TKTL1: variants seen among roughly 807,000 people sequenced by gnomAD.
The protein encoded by TKTL1 is transketolase like 1, also known as transketolase-like protein 1.
Under a neutral mutation model 39.3 loss-of-function variants are expected in TKTL1, and 1 was observed. The observed-to-expected ratio is 0.03, with a 90% CI of 0.01 to 0.12. The LOEUF (loss-of-function observed/expected upper bound fraction) is 0.12, where lower values mean the gene tolerates loss of function less well. Ranked by LOEUF, TKTL1 falls within the 10% of genes least tolerant of loss-of-function variation. The pLI is 1.00. For synonymous variants in TKTL1, 262 were observed against 193.8 expected, an observed-to-expected ratio of 1.35 and a Z score of -2.92; for missense variants, 575 against 509.6, an observed-to-expected ratio of 1.13 and a Z score of -1.24.
rs782724766 is a variant in TKTL1, at chrX:154,315,201, C to G, written c.893C>G (p.Ala298Gly). ...KIATRKACGLALAKLGYANNR... is the reference protein window; with the variant it reads ...KIATRKACGLGLAKLGYANNR... The stretch of plus-strand genomic sequence containing the variant: ...GCTACTCGGAAAGCATGCGGTCTGG[C>G]TCTGGCTAAGCTGGGCTACGCGAAC... Residue 298 changes from alanine to glycine, a missense_variant, in exon 7 of 13, where the codon GCT (alanine) becomes GGT (glycine). Coordinates refer to ENST00000369915, the MANE Select transcript of TKTL1 (RefSeq NM_012253.4). The G allele has an allele frequency of 1.7e-6, 2 of 1,209,764 alleles. No homozygotes were observed. The highest frequency in any genetic ancestry group is 3.5e-5 in the African/African-American group (2 of 57,191).
chrX:154,300,900 G>A (rs782532670), intron 1 of TKTL1, among the ~76,000 whole-genome samples: 2 of 109,532 alleles, frequency 1.8e-5, no homozygotes, highest in South Asian at 8.0e-4. Context: ...ACCAGACCAT[G>A]GCCAGGCTGG....
At chrX:154,309,224 G>A in intron 2 of TKTL1, 121 bp from the exon 3 acceptor site, 1 of 570,230 alleles carries the variant, frequency 1.8e-6, no homozygotes, top group East Asian at 3.3e-5. Context: ...AGGGCGGGAG[G>A]GGCTGTTCGG....
At chrX:154,315,106 CT>C in intron 6 of TKTL1, 66 bp from the exon 7 acceptor site, 2 of 1,065,861 alleles carry the variant, frequency 1.9e-6, no homozygotes, top group African/African-American at 1.8e-5. Context: ...TGGTACCTTC[CT>C]TCTGTAGTCG....
chrX:154,305,583 A>C (rs966743238), intron 2 of TKTL1, among the ~76,000 whole-genome samples, 162 bp downstream of exon 2: 9 of 111,364 alleles, frequency 8.1e-5, no homozygotes, highest in Admixed American at 7.6e-4. Context: ...GGCCACTTGG[A>C]GCCCTGTGAT....
chrX:154,318,041 G>A (rs1000108049), intron 7 of TKTL1, among the ~76,000 whole-genome samples: 13 of 111,780 alleles, frequency 1.2e-4, no homozygotes, highest in Non-Finnish European at 1.9e-4. Context: ...CATATTCGTT[G>A]GCCTAGTTTT....
intron 12 of TKTL1, among the ~76,000 whole-genome samples, chrX:154,328,546 A>G (rs1299414220): frequency 8.7e-4 from 10 of 11,461 alleles, no homozygotes; most frequent in African/African-American, 1.6e-3. Context: ...ACTCTGCCTC[A>G]AAAAAAAAAA....
intron 1 of TKTL1, among the ~76,000 whole-genome samples, chrX:154,303,379 ATTTTTTTTTTTTTT>A (rs1172255094): frequency 6.5e-4 from 22 of 33,668 alleles, no homozygotes; most frequent in African/African-American, 2.0e-3. Context: ...TGCCCAGCTA[ATTTTTTTTTTTTTT>A]TTTTTTTTTT....
chrX:154,310,255 G>C (rs1290268661), intron 3 of TKTL1, among the ~76,000 whole-genome samples: 1 of 109,725 alleles, frequency 9.1e-6, no homozygotes, highest in Non-Finnish European at 1.9e-5. Context: ...TCAGGAGTTC[G>C]AGACCAGCCT....
intron 8 of TKTL1, 106 bp downstream of exon 8, chrX:154,321,019 G>A (rs1296296536): frequency 1.1e-5 from 10 of 943,237 alleles, no homozygotes; most frequent in Non-Finnish European, 1.5e-5. Flanking sequence ...CATGAAGTTT[G>A]ATTATTCAAG....
chrX:154,328,110 A>G, intron 12 of TKTL1, 152 bp downstream of exon 12: 2 of 757,666 alleles, frequency 2.6e-6, no homozygotes, highest in Non-Finnish European at 3.9e-6. Context: ...GGCCATACTC[A>G]TACACATCTG....
At chrX:154,309,547 G>A in intron 3 of TKTL1, 105 bp downstream of exon 3, 1 of 690,927 alleles carries the variant, frequency 1.4e-6, no homozygotes, top group South Asian at 2.4e-5. Flanking sequence ...AGCCCTGAAG[G>A]GCCAGTCCCC....
intron 5 of TKTL1, among the ~76,000 whole-genome samples, chrX:154,311,517 T>G (rs904230881): frequency 9.0e-6 from 1 of 111,427 alleles, no homozygotes; most frequent in African/African-American, 3.3e-5. Context: ...CAGGGAACAA[T>G]CTCTACGGTT....
chrX:154,301,559 TAGTA>T (rs1367789772), intron 1 of TKTL1, among the ~76,000 whole-genome samples: 1 of 112,247 alleles, frequency 8.9e-6, no homozygotes, highest in African/African-American at 3.2e-5. Flanking sequence ...CTGGGCTAGA[TAGTA>T]AGAGGACAGT....
intron 7 of TKTL1, among the ~76,000 whole-genome samples, chrX:154,319,817 T>C (rs1416751595): frequency 9.0e-6 from 1 of 110,851 alleles, no homozygotes; most frequent in African/African-American, 3.3e-5. Flanking sequence ...ATCTGGAGTT[T>C]GGGATCTTGA....
chrX:154,327,267 A>G, intron 10 of TKTL1: 1 of 424,485 alleles, frequency 2.4e-6, no homozygotes. Context: ...AGATCTTAGC[A>G]CTCAGCGTGT....
At chrX:154,320,346 A>G (rs1294691378) in intron 7 of TKTL1, 3 of 155,340 alleles carry the variant, frequency 1.9e-5, no homozygotes, top group Middle Eastern at 2.7e-3. Flanking sequence ...CTGTGAAGAT[A>G]AAAGGTGCTG....
chrX:154,306,626 T>C (rs970740427), intron 2 of TKTL1, among the ~76,000 whole-genome samples: 3 of 111,226 alleles, frequency 2.7e-5, no homozygotes, highest in Non-Finnish European at 5.7e-5. Context: ...ACTTGAACTT[T>C]TTTTACATCT....
intron 9 of TKTL1, 143 bp downstream of exon 9, chrX:154,323,480 A>C: frequency 1.4e-6 from 1 of 721,033 alleles, no homozygotes; most frequent in Non-Finnish European, 2.0e-6. Flanking sequence ...TACAAAAAAA[A>C]CAGGAGATTA....
At chrX:154,318,475 G>A (rs993569950) in intron 7 of TKTL1, among the ~76,000 whole-genome samples, 5 of 106,886 alleles carry the variant, frequency 4.7e-5, no homozygotes, top group East Asian at 2.9e-4. Context: ...CGAGGCGGAC[G>A]GATCACGAGG....
Sources: allele counts gnomAD v4.1 joint callset (sites outside exome capture counted in the v4.1 genomes callset), GRCh38; gene constraint gnomAD v4.1.1; transcripts MANE v1.5; gene names NCBI Gene and HGNC (gene_info 2026-07-23, HGNC 2026-07-21).